Variants in FSTL5 observed in about 807,000 individuals in gnomAD.
The protein encoded by FSTL5 is follistatin like 5.
Under a neutral mutation model 89.1 loss-of-function variants are expected in FSTL5, and 62 were observed. The observed-to-expected ratio is 0.70, with a 90% CI of 0.57 to 0.86. FSTL5 has a LOEUF of 0.86. Ranked by LOEUF, FSTL5 falls within the 40% of genes least tolerant of loss-of-function variation. The probability of loss-of-function intolerance (pLI) is 0.00; values close to 1 mark genes in which losing one functional copy is unlikely to be tolerated. For synonymous variants in FSTL5, 383 were observed against 346.2 expected, an observed-to-expected ratio of 1.11 and a Z score of -1.18; for missense variants, 1,057 against 1,001.6, an observed-to-expected ratio of 1.06 and a Z score of -0.75.
At chr4:161,860,148 C>CGCG (rs1280437230) in intron 4 of FSTL5, among the ~76,000 whole-genome samples, 1 of 151,886 alleles carries the variant, frequency 6.6e-6, no homozygotes, top group Non-Finnish European at 1.5e-5. Context: ...ATTAGCCGGG[C>CGCG]GTGGTGGCGG....
intron 13 of FSTL5, among the ~76,000 whole-genome samples, chr4:161,468,813 T>C (rs1000498776): frequency 5.3e-5 from 8 of 152,150 alleles, no homozygotes; most frequent in Non-Finnish European, 1.2e-4. Flanking sequence ...TGTATACCTT[T>C]TCTTTCATTC....
At chr4:162,083,898 T>C (rs6814301) in intron 2 of FSTL5, among the ~76,000 whole-genome samples, 103,728 of 151,528 alleles carry the variant, frequency 0.68, 36,044 homozygotes, top group African/African-American at 0.78. Flanking sequence ...TAAAATTGAC[T>C]GGCATGACTA....
chr4:161,385,839 G>C lies in FSTL5; in HGVS notation c.2452C>G (p.Leu818Val), dbSNP rs867713984. 1 of 1,613,752 alleles carries C rather than the reference G, an allele frequency of 6.2e-7. No individual in the cohort carries two copies. The highest frequency in any genetic ancestry group is 1.3e-5 in the African/African-American group (1 of 75,006). The change falls in exon 16 of 16, where the codon CTC (leucine) becomes GTC (valine). Residue 818 changes from leucine to valine, a missense_variant. Leu to Val is a conservative substitution (Grantham distance 32, BLOSUM62 1). This residue lies in a region of FSTL5 where 68 missense variants were observed against 73.3 expected (regional missense o/e 0.93). Coordinates refer to ENST00000306100, the MANE Select transcript of FSTL5 (RefSeq NM_020116.5). ...TTGAGTCGTCCATCTAGGATGAAGAGAGAGTCCTTGGAAGGTGTCATCAGG... is the reference window on the plus strand; with the variant it reads ...TTGAGTCGTCCATCTAGGATGAAGACAGAGTCCTTGGAAGGTGTCATCAGG... ...QYLMTPSKDS[L>V]FILDGRLNKL...
chr4:161,561,543 T>C (rs1437507820), intron 8 of FSTL5, among the ~76,000 whole-genome samples: 1 of 151,912 alleles, frequency 6.6e-6, no homozygotes, highest in Non-Finnish European at 1.5e-5. Context: ...GTGAGGATTG[T>C]AAAACTCTGA....
intron 4 of FSTL5, among the ~76,000 whole-genome samples, chr4:161,851,493 T>A (rs1731547780): frequency 6.6e-6 from 1 of 152,110 alleles, no homozygotes; most frequent in Admixed American, 6.6e-5. Context: ...AATGATAAAC[T>A]GCCAAAATGA....
intron 10 of FSTL5, among the ~76,000 whole-genome samples, chr4:161,510,866 T>C (rs1730628777): frequency 6.6e-6 from 1 of 151,938 alleles, no homozygotes; most frequent in East Asian, 1.9e-4. Flanking sequence ...GAAATATTCC[T>C]GAACAAGAAG....
intron 9 of FSTL5, among the ~76,000 whole-genome samples, chr4:161,541,314 T>C (rs1269569399): frequency 6.6e-6 from 1 of 152,112 alleles, no homozygotes; most frequent in African/African-American, 2.4e-5. Context: ...TGTAACAACT[T>C]CAAAAATTTG....
intron 4 of FSTL5, among the ~76,000 whole-genome samples, chr4:161,799,746 A>C (rs1729740019): frequency 6.6e-6 from 1 of 151,684 alleles, no homozygotes; most frequent in South Asian, 2.1e-4. Flanking sequence ...AAAGGGGTAA[A>C]AACTATGACA....
At chr4:162,031,112 C>A (rs2111190184) in intron 3 of FSTL5, among the ~76,000 whole-genome samples, 1 of 152,230 alleles carries the variant, frequency 6.6e-6, no homozygotes, top group East Asian at 1.9e-4. Flanking sequence ...CTATTATAAT[C>A]TTCAGTGCAA....
At chr4:161,903,641 C>T (rs1389981238) in intron 4 of FSTL5, among the ~76,000 whole-genome samples, 1 of 151,988 alleles carries the variant, frequency 6.6e-6, no homozygotes, top group Non-Finnish European at 1.5e-5. Context: ...ATGGGAGCTC[C>T]ATCAGATTTT....
At chr4:161,652,683 A>AT (rs1736383018) in intron 7 of FSTL5, among the ~76,000 whole-genome samples, 1 of 152,134 alleles carries the variant, frequency 6.6e-6, no homozygotes, top group Admixed American at 6.6e-5. Flanking sequence ...AAATATAAAA[A>AT]TGAGGGGATA....
chr4:162,119,760 A>G (rs996161900), intron 1 of FSTL5, among the ~76,000 whole-genome samples: 32 of 152,136 alleles, frequency 2.1e-4, no homozygotes, highest in African/African-American at 7.7e-4. Flanking sequence ...AGTACACTAG[A>G]ACCTATTCCT....
intron 4 of FSTL5, among the ~76,000 whole-genome samples, chr4:161,785,781 C>A (rs1030507614): frequency 2.2e-4 from 34 of 152,140 alleles, no homozygotes; most frequent in African/African-American, 7.9e-4. Context: ...GAAGTGTATT[C>A]CCAAGCTCTG....
intron 7 of FSTL5, among the ~76,000 whole-genome samples, chr4:161,654,793 C>A (rs1736460018): frequency 6.6e-6 from 1 of 152,084 alleles, no homozygotes; most frequent in East Asian, 1.9e-4. Flanking sequence ...ACTTCAAAAT[C>A]ACTAAAGCAA....
intron 7 of FSTL5, among the ~76,000 whole-genome samples, chr4:161,631,683 GATTT>G (rs1290828314): frequency 6.6e-6 from 1 of 152,128 alleles, no homozygotes; most frequent in African/African-American, 2.4e-5. Flanking sequence ...TATATTATTA[GATTT>G]ATTTAGTTAT....
chr4:161,469,989 T>G (rs2126431819), intron 13 of FSTL5, among the ~76,000 whole-genome samples: 1 of 152,294 alleles, frequency 6.6e-6, no homozygotes, highest in East Asian at 1.9e-4. Context: ...ATACATTGGA[T>G]AGTAATCCCT....
chr4:162,128,153 T>C (rs1467031234), intron 1 of FSTL5, among the ~76,000 whole-genome samples: 1 of 152,190 alleles, frequency 6.6e-6, no homozygotes, highest in Non-Finnish European at 1.5e-5. Flanking sequence ...AGAATCAGCA[T>C]GATGAACTAA....
chr4:161,539,170 G>A (rs1352915560), intron 9 of FSTL5, among the ~76,000 whole-genome samples: 1 of 151,622 alleles, frequency 6.6e-6, no homozygotes, highest in Non-Finnish European at 1.5e-5. Flanking sequence ...GTATGTGTGT[G>A]TGTGCATGCC....
intron 1 of FSTL5, among the ~76,000 whole-genome samples, chr4:162,129,552 A>G (rs937838249): frequency 1.3e-5 from 2 of 152,254 alleles, no homozygotes; most frequent in African/African-American, 4.8e-5. Flanking sequence ...ATTGTTTACA[A>G]TCTGTCCCAG....
Sources: gnomAD v4.1 joint callset for allele counts (sites outside exome capture counted in the v4.1 genomes callset) on GRCh38, gnomAD v4.1.1 for gene constraint, gnomAD v4.1.1 regional missense constraint, MANE v1.5 for transcripts, NCBI Gene and HGNC (gene_info 2026-07-23, HGNC 2026-07-21) for gene names.